The following KHDRBS2 variants were observed in gnomAD, a reference collection of about 807,000 sequenced individuals.
KHDRBS2 encodes KH RNA binding domain containing, signal transduction associated 2.
KHDRBS2 carries 26 observed loss-of-function variants against 44.3 expected under a neutral mutation model. The ratio of observed to expected loss-of-function variants is 0.59; its 90% CI spans 0.43 to 0.81. The LOEUF (loss-of-function observed/expected upper bound fraction) is 0.81, where lower values mean the gene tolerates loss of function less well. KHDRBS2 is among the 40% of genes least tolerant of loss of function. KHDRBS2 has a pLI of 0.00. For missense variants in KHDRBS2, 476 were observed against 433.1 expected, an observed-to-expected ratio of 1.10 and a Z score of -0.88; for synonymous variants, 194 against 151.1, an observed-to-expected ratio of 1.28 and a Z score of -2.08.
At chr6:62,141,431 A>G (rs1465384904) in intron 2 of KHDRBS2, among the ~76,000 whole-genome samples, 1 of 152,140 alleles carries the variant, frequency 6.6e-6, no homozygotes. Flanking sequence ...GATAGGACAG[A>G]AAAAACTTCA....
At chr6:61,769,805 A>G (rs1780573802) in intron 6 of KHDRBS2, among the ~76,000 whole-genome samples, 1 of 152,204 alleles carries the variant, frequency 6.6e-6, no homozygotes, top group African/African-American at 2.4e-5. Context: ...CTGCAGACTT[A>G]AATGTCCCTC....
intron 1 of KHDRBS2, among the ~76,000 whole-genome samples, chr6:62,199,653 T>C (rs1221400787): frequency 6.6e-6 from 1 of 152,172 alleles, no homozygotes; most frequent in Admixed American, 6.6e-5. Context: ...AAAACGGCCA[T>C]ACTGCCCAAG....
chr6:61,704,375 G>A (rs1473192933), intron 7 of KHDRBS2, among the ~76,000 whole-genome samples: 35 of 151,834 alleles, frequency 2.3e-4, no homozygotes, highest in Non-Finnish European at 4.1e-4. Context: ...GTTTTTCATC[G>A]TATATGGAAA....
chr6:62,017,109 A>C (rs1242729125), intron 3 of KHDRBS2, among the ~76,000 whole-genome samples: 8 of 152,144 alleles, frequency 5.3e-5, no homozygotes, highest in Non-Finnish European at 1.2e-4. Flanking sequence ...CCAAACAAAC[A>C]CAAAAACACA....
chr6:62,193,875 C>G (rs1409757281), intron 1 of KHDRBS2, among the ~76,000 whole-genome samples: 2 of 152,082 alleles, frequency 1.3e-5, no homozygotes, highest in Admixed American at 1.3e-4. Flanking sequence ...TTGCTACCTT[C>G]TATAAATAAA....
chr6:62,231,250 TAGAA>T (rs1352855511), intron 1 of KHDRBS2, among the ~76,000 whole-genome samples: 1 of 152,150 alleles, frequency 6.6e-6, no homozygotes. Context: ...GGGTAATTAA[TAGAA>T]AGAAGAGGTT....
In KHDRBS2 at chr6:61,692,874, CTG is replaced by C. The variant is rs60110660; in HGVS notation, c.952+4319_952+4320del. ...AGGAAGGTGCCTGGGACAACTGACT[CTG>C]AGACTCCTCACATAACTCTCCAAGT... On this transcript the variant is annotated intron_variant, in intron 8 of 8. Transcript: ENST00000281156. Among the ~76,000 whole-genome samples, 476 of 152,108 alleles carry C rather than the reference CTG, an allele frequency of 3.1e-3. 3 individuals are homozygous for C. The highest frequency in any genetic ancestry group is 0.01 in the African/African-American group (433 of 41,516).
At chr6:61,712,754 T>G (rs1334366023) in intron 7 of KHDRBS2, among the ~76,000 whole-genome samples, 2 of 151,844 alleles carry the variant, frequency 1.3e-5, no homozygotes, top group African/African-American at 4.8e-5. Context: ...ATGCTTAGTA[T>G]TGTAGCTATT....
At chr6:62,040,149 T>C (rs1289754842) in intron 3 of KHDRBS2, among the ~76,000 whole-genome samples, 1 of 152,032 alleles carries the variant, frequency 6.6e-6, no homozygotes, top group Non-Finnish European at 1.5e-5. Flanking sequence ...TTCAATTATT[T>C]GACGGTGGGA....
chr6:61,975,846 T>G (rs1006319929), intron 4 of KHDRBS2, among the ~76,000 whole-genome samples: 1 of 152,108 alleles, frequency 6.6e-6, no homozygotes, highest in African/African-American at 2.4e-5. Context: ...GGCAGCTACT[T>G]TAGATTGTGT....
At chr6:61,902,923 A>G (rs1232541481) in intron 4 of KHDRBS2, among the ~76,000 whole-genome samples, 1 of 152,066 alleles carries the variant, frequency 6.6e-6, no homozygotes, top group Non-Finnish European at 1.5e-5. Flanking sequence ...CTTGATTACA[A>G]GCAAAAAGCC....
the KHDRBS2 span, among the ~76,000 whole-genome samples, chr6:61,624,306 A>G: frequency 6.6e-6 from 1 of 152,202 alleles, no homozygotes; most frequent in Non-Finnish European, 1.5e-5. Context: ...CTCTGTGGCC[A>G]CTTAACCAAG....
At chr6:61,765,330 C>G (rs1779854704) in intron 6 of KHDRBS2, among the ~76,000 whole-genome samples, 1 of 152,022 alleles carries the variant, frequency 6.6e-6, no homozygotes, top group South Asian at 2.1e-4. Flanking sequence ...ACGTATACCT[C>G]TAGTACTAGC....
At chr6:61,874,968 G>A (rs1234750340) in intron 6 of KHDRBS2, among the ~76,000 whole-genome samples, 1 of 152,076 alleles carries the variant, frequency 6.6e-6, no homozygotes, top group Non-Finnish European at 1.5e-5. Flanking sequence ...GAAAATAAAT[G>A]AGAATAAACA....
the KHDRBS2 span, among the ~76,000 whole-genome samples, chr6:61,586,540 C>T: frequency 7.2e-5 from 11 of 152,142 alleles, no homozygotes; most frequent in African/African-American, 2.7e-4. Context: ...AAGAATCCAA[C>T]ATTCTTGGCA....
intron 6 of KHDRBS2, among the ~76,000 whole-genome samples, chr6:61,755,929 T>G (rs975725641): frequency 2.0e-5 from 3 of 152,174 alleles, no homozygotes; most frequent in Non-Finnish European, 4.4e-5. Flanking sequence ...TGCTGTGATT[T>G]GAAAACTACT....
intron 2 of KHDRBS2, among the ~76,000 whole-genome samples, chr6:62,081,240 A>T (rs1027355151): frequency 1.3e-5 from 2 of 152,166 alleles, no homozygotes; most frequent in Non-Finnish European, 2.9e-5. Flanking sequence ...AAGATACAGT[A>T]CAATAATCGG....
chr6:61,610,744 G>T, the KHDRBS2 span, among the ~76,000 whole-genome samples: 1 of 152,178 alleles, frequency 6.6e-6, no homozygotes, highest in Non-Finnish European at 1.5e-5. Context: ...CTAAGACAGT[G>T]TTTTTAAAAG....
chr6:61,550,548 G>A, the KHDRBS2 span, among the ~76,000 whole-genome samples: 2 of 151,938 alleles, frequency 1.3e-5, no homozygotes, highest in Non-Finnish European at 2.9e-5. Context: ...GCTGAGGTTG[G>A]GGGATGGTGG....
Sources: gnomAD v4.1 joint callset for allele counts (sites outside exome capture counted in the v4.1 genomes callset) on GRCh38, gnomAD v4.1.1 for gene constraint, MANE v1.5 for transcripts, NCBI Gene and HGNC (gene_info 2026-07-23, HGNC 2026-07-21) for gene names.